The following GRM1 variants were observed in gnomAD, a reference collection of about 807,000 sequenced individuals.
The protein encoded by GRM1 is glutamate metabotropic receptor 1.
A neutral mutation model predicts 90.9 loss-of-function variants in GRM1; 33 were observed. That is an observed-to-expected ratio of 0.36 (90% confidence interval 0.28 to 0.49). The LOEUF (loss-of-function observed/expected upper bound fraction) is 0.49. Ranked by LOEUF, GRM1 falls within the 20% of genes least tolerant of loss-of-function variation. The pLI is 0.99. For missense variants in GRM1, 1,190 were observed against 1,534.3 expected, an observed-to-expected ratio of 0.78 and a Z score of 3.75; for synonymous variants, 700 against 613.2, an observed-to-expected ratio of 1.14 and a Z score of -2.09.
intron 1 of GRM1, among the ~76,000 whole-genome samples, chr6:146,086,619 G>A (rs560742743): frequency 1.3e-5 from 2 of 152,012 alleles, no homozygotes; most frequent in South Asian, 2.1e-4. Flanking sequence ...TCATCTGGGG[G>A]TGTGATGTCT....
At chr6:146,410,611 AGGCCTT>A (rs1253253867) in intron 7 of GRM1, among the ~76,000 whole-genome samples, 1 of 152,110 alleles carries the variant, frequency 6.6e-6, no homozygotes. Context: ...CCTCTAGTAA[AGGCCTT>A]GGAGGTAGGG....
chr6:146,198,383 C>T (rs1159584586), intron 2 of GRM1, among the ~76,000 whole-genome samples: 1 of 152,088 alleles, frequency 6.6e-6, no homozygotes, highest in Non-Finnish European at 1.5e-5. Context: ...TGATGGCAAT[C>T]AAGTTTAACA....
intron 6 of GRM1, among the ~76,000 whole-genome samples, chr6:146,397,362 T>C (rs920101842): frequency 6.0e-5 from 9 of 150,592 alleles, no homozygotes; most frequent in Middle Eastern, 3.5e-3. Context: ...TAGCCCCAGC[T>C]ACTCGGGAGA....
intron 1 of GRM1, among the ~76,000 whole-genome samples, chr6:146,121,473 C>T (rs1374414187): frequency 9.2e-5 from 14 of 151,738 alleles, no homozygotes; most frequent in African/African-American, 1.9e-4. Flanking sequence ...TTTTCCCTTC[C>T]GCTAGGTTTT....
chr6:146,296,204 G>A (rs1043562487), intron 2 of GRM1, among the ~76,000 whole-genome samples: 6 of 152,280 alleles, frequency 3.9e-5, no homozygotes, highest in Middle Eastern at 3.4e-3. Context: ...CTTTATGGTA[G>A]AATGATTTAT....
At chr6:146,274,243 CTACAT>C (rs1336048366) in intron 2 of GRM1, among the ~76,000 whole-genome samples, 1 of 152,114 alleles carries the variant, frequency 6.6e-6, no homozygotes, top group African/African-American at 2.4e-5. Context: ...TTTTTATATT[CTACAT>C]AATTTTATCT....
intron 1 of GRM1, among the ~76,000 whole-genome samples, chr6:146,080,137 A>G (rs1257367064): frequency 1.3e-5 from 2 of 152,204 alleles, no homozygotes; most frequent in East Asian, 1.9e-4. Flanking sequence ...AGGCAGCTTT[A>G]TAATTTTCAT....
At chr6:146,086,861 G>C (rs1389956875) in intron 1 of GRM1, among the ~76,000 whole-genome samples, 2 of 151,862 alleles carry the variant, frequency 1.3e-5, no homozygotes, top group Non-Finnish European at 2.9e-5. Flanking sequence ...CTAGCCTCGT[G>C]ATCAATATAG....
At chr6:146,097,130 C>T (rs1477261897) in intron 1 of GRM1, among the ~76,000 whole-genome samples, 1 of 152,086 alleles carries the variant, frequency 6.6e-6, no homozygotes, top group Admixed American at 6.6e-5. Context: ...AACTAAAATA[C>T]AGACAATCTG....
chr6:146,434,366 T>C lies in GRM1; in HGVS notation c.3155T>C (p.Leu1052Pro). ...STAIPDFHAV[L>P]AGPGGPGNGL... is the part of the protein sequence containing the mutation. Reference sequence around the variant, plus strand: ...GCGATCCCGGATTTTCACGCGGTGCTGGCAGGCCCCGGTGGTCCCGGGAAC... The same window carrying C: ...GCGATCCCGGATTTTCACGCGGTGCCGGCAGGCCCCGGTGGTCCCGGGAAC... The change falls in exon 8 of 8, where the codon CTG becomes CCG. Residue 1052 changes from leucine (L) to proline (P), a missense_variant. This residue lies in a region of GRM1 where 400 missense variants were observed against 360.8 expected (regional missense o/e 1.11). Coordinates refer to ENST00000282753, the MANE Select transcript of GRM1 (RefSeq NM_001278064.2). 1 of 1,613,342 alleles carries C rather than the reference T, an allele frequency of 6.2e-7. No homozygotes were observed.
intron 1 of GRM1, among the ~76,000 whole-genome samples, chr6:146,066,316 A>G (rs1290386314): frequency 6.6e-6 from 1 of 152,178 alleles, no homozygotes; most frequent in African/African-American, 2.4e-5. Context: ...GTGAGAACAC[A>G]TGGTATTTGG....
At chr6:146,114,595 T>C (rs760884997) in intron 1 of GRM1, among the ~76,000 whole-genome samples, 27 of 152,272 alleles carry the variant, frequency 1.8e-4, no homozygotes, top group Admixed American at 3.3e-4. Flanking sequence ...TCATGGTAAA[T>C]TGGTATCATA....
chr6:146,090,668 A>G (rs1213606003), intron 1 of GRM1, among the ~76,000 whole-genome samples: 1 of 152,054 alleles, frequency 6.6e-6, no homozygotes, highest in Non-Finnish European at 1.5e-5. Flanking sequence ...ACAGACTATG[A>G]TTGCTAAGCC....
At chr6:146,176,546 T>G (rs998637884) in intron 2 of GRM1, among the ~76,000 whole-genome samples, 1 of 152,054 alleles carries the variant, frequency 6.6e-6, no homozygotes, top group African/African-American at 2.4e-5. Context: ...AAGAGTTCAC[T>G]TGTTCAAGAG....
chr6:146,178,766 T>C (rs964197926), intron 2 of GRM1, among the ~76,000 whole-genome samples: 3 of 152,260 alleles, frequency 2.0e-5, no homozygotes, highest in Non-Finnish European at 4.4e-5. Context: ...GTAGCCATTC[T>C]TATTTGGATA....
intron 1 of GRM1, among the ~76,000 whole-genome samples, chr6:146,094,737 T>C (rs988019787): frequency 6.6e-5 from 10 of 152,092 alleles, no homozygotes; most frequent in African/African-American, 2.4e-4. Flanking sequence ...AGGAGAATAA[T>C]CAATACTCAT....
At chr6:146,418,523 C>T (rs975895469) in intron 7 of GRM1, among the ~76,000 whole-genome samples, 6 of 151,562 alleles carry the variant, frequency 4.0e-5, no homozygotes, top group African/African-American at 1.2e-4. Context: ...TTAACACACA[C>T]GTATACATAC....
chr6:146,322,652 G>T (rs1396803205), intron 3 of GRM1, among the ~76,000 whole-genome samples: 1 of 150,866 alleles, frequency 6.6e-6, no homozygotes, highest in African/African-American at 2.5e-5. Flanking sequence ...TGCACAACGT[G>T]CAGGTTTGTT....
chr6:146,184,725 A>T (rs1216287787), intron 2 of GRM1, among the ~76,000 whole-genome samples: 1 of 152,204 alleles, frequency 6.6e-6, no homozygotes, highest in Non-Finnish European at 1.5e-5. Flanking sequence ...TTTTCATGTT[A>T]TATATCATCT....
Sources: allele counts gnomAD v4.1 joint callset (sites outside exome capture counted in the v4.1 genomes callset), GRCh38; gene constraint gnomAD v4.1.1; regional missense constraint gnomAD v4.1.1; transcripts MANE v1.5; gene names NCBI Gene and HGNC (gene_info 2026-07-23, HGNC 2026-07-21).